The following SPAG1 variants were observed in gnomAD, a reference collection of about 807,000 sequenced individuals.
SPAG1 encodes sperm-associated antigen 1.
A neutral mutation model predicts 100.5 loss-of-function variants in SPAG1; 69 were observed. That is an observed-to-expected ratio of 0.69 (90% CI 0.57 to 0.84). The LOEUF is 0.84. Ranked by LOEUF, SPAG1 falls within the 40% of genes least tolerant of loss-of-function variation. The pLI, the probability that SPAG1 is intolerant of heterozygous loss-of-function variation, is 0.00. For synonymous variants in SPAG1, 336 were observed against 411.6 expected (o/e 0.82, Z 2.22); for missense variants, 955 against 1,133.1 (o/e 0.84, Z 2.26).
chr8:100,166,228 A>C (rs1815548221), intron 3 of SPAG1, among the ~76,000 whole-genome samples: 1 of 152,278 alleles, frequency 6.6e-6, no homozygotes, highest in East Asian at 1.9e-4. Context: ...TCTTCAATAA[A>C]TAGTGCTGTA....
intron 10 of SPAG1, among the ~76,000 whole-genome samples, chr8:100,202,342 T>TA (rs113103783): frequency 0.23 from 33,326 of 145,656 alleles, 3,759 homozygotes; most frequent in African/African-American, 0.27. Context: ...ACCATTTGTT[T>TA]AAAAAAAAAA....
chr8:100,172,634 A>ATATGTG (rs371641955), intron 3 of SPAG1, among the ~76,000 whole-genome samples: 4 of 145,462 alleles, frequency 2.7e-5, no homozygotes, highest in African/African-American at 1.0e-4. Flanking sequence ...AAAGAAATAT[A>ATATGTG]TGTGTGTGTG....
At chr8:100,197,968 G>A (rs937774275) in intron 10 of SPAG1, among the ~76,000 whole-genome samples, 25 of 152,068 alleles carry the variant, frequency 1.6e-4, no homozygotes, top group African/African-American at 6.0e-4. Flanking sequence ...GCTTTTTCCT[G>A]GAAGCTCCCT....
Position 100,184,033 on chromosome 8 carries a change from C to T in SPAG1, c.566C>T (p.Ser189Phe), listed in dbSNP as rs757629061. ...ACGGTAATAGACAAGTCACACTTGT[C>T]TAAAATTGAGACAAGAATAGATACA... ...EKTVIDKSHL[S>F]KIETRIDTAG... The change falls in exon 6 of 19, where the codon TCT (serine) becomes TTT (phenylalanine). Residue 189 changes from serine (S) to phenylalanine (F), a missense_variant. Coordinates refer to ENST00000388798, the MANE Select transcript of SPAG1 (RefSeq NM_003114.5). The T allele has an allele frequency of 1.3e-6, 2 of 1,516,022 alleles. No individual in the cohort carries two copies. 93.9% of individuals were successfully genotyped at this position (1,516,022 alleles called of 1,614,324 possible). A position where few individuals can be genotyped will look rare whatever the true frequency, so the allele number is the denominator to read the frequency against.
chr8:100,194,180 G>C lies in SPAG1; in HGVS notation c.1008G>C (p.Gly336=). 1 of 1,611,146 alleles carries C rather than the reference G, an allele frequency of 6.2e-7. No homozygotes were observed. Among genetic ancestry groups the C allele is most frequent in the Non-Finnish European group, 8.5e-7 (1 of 1,178,954 alleles). Residue 336 remains glycine (G), a synonymous_variant, in exon 10 of 19, where the codon GGG becomes GGC. Coordinates refer to ENST00000388798, the MANE Select transcript of SPAG1 (RefSeq NM_003114.5). ...SEAASETQTK[G]KRMVIQEIEN... is the part of the protein sequence containing the mutation. ...CTGCATCTGAGACTCAAACCAAAGG[G>C]AAAAGGATGGTTATTCAGGAAATAG...
intron 8 of SPAG1, among the ~76,000 whole-genome samples, chr8:100,188,362 C>T (rs1816675113): frequency 6.6e-6 from 1 of 151,990 alleles, no homozygotes. Context: ...ACTGTGTCGC[C>T]CAGGCTGGTC....
At chr8:100,230,077 A>G (rs915770956) in intron 14 of SPAG1, among the ~76,000 whole-genome samples, 1 of 152,234 alleles carries the variant, frequency 6.6e-6, no homozygotes, top group Non-Finnish European at 1.5e-5. Context: ...TCATCCCTGA[A>G]CAATTGGATT....
At chr8:100,227,153 T>G (rs1353115552) in intron 14 of SPAG1, among the ~76,000 whole-genome samples, 1 of 152,262 alleles carries the variant, frequency 6.6e-6, no homozygotes, top group Non-Finnish European at 1.5e-5. Flanking sequence ...TTTCGCAGAA[T>G]GTATCCATTG....
chr8:100,235,763 G>A (rs377295795), intron 16 of SPAG1, among the ~76,000 whole-genome samples: 54 of 152,110 alleles, frequency 3.6e-4, no homozygotes, highest in Middle Eastern at 3.4e-3. Flanking sequence ...CAGGACCCCC[G>A]TGCTGCCCTG....
At chr8:100,172,541 AC>A (rs2132223211) in intron 3 of SPAG1, among the ~76,000 whole-genome samples, 1 of 152,046 alleles carries the variant, frequency 6.6e-6, no homozygotes, top group Admixed American at 6.6e-5. Context: ...AATCACTTGA[AC>A]CCAGGAGGTG....
chr8:100,225,741 C>T (rs1818480859), intron 14 of SPAG1, among the ~76,000 whole-genome samples: 1 of 152,142 alleles, frequency 6.6e-6, no homozygotes, highest in Non-Finnish European at 1.5e-5. Flanking sequence ...TCCCAAAGTG[C>T]TGGAATTATG....
intron 15 of SPAG1, among the ~76,000 whole-genome samples, chr8:100,231,735 G>A (rs1320280803): frequency 2.6e-5 from 4 of 152,174 alleles, no homozygotes; most frequent in Non-Finnish European, 5.9e-5. Flanking sequence ...CGAGGCGGGT[G>A]GATCACGAGG....
chr8:100,169,447 A>G (rs751619545), intron 3 of SPAG1, among the ~76,000 whole-genome samples: 4 of 152,216 alleles, frequency 2.6e-5, no homozygotes, highest in Admixed American at 1.3e-4. Flanking sequence ...TCTTTTTTAA[A>G]AAATCAACTG....
intron 10 of SPAG1, among the ~76,000 whole-genome samples, chr8:100,201,010 T>G (rs1298357353): frequency 6.6e-6 from 1 of 152,194 alleles, no homozygotes; most frequent in Non-Finnish European, 1.5e-5. Flanking sequence ...TTTTCAGATT[T>G]TTTTTCTTTT....
intron 2 of SPAG1, chr8:100,165,569 C>T: frequency 2.3e-6 from 1 of 426,274 alleles, no homozygotes; most frequent in South Asian, 2.8e-5. Flanking sequence ...CCCACTCACC[C>T]TTATCCAGTT....
At chr8:100,221,848 C>A (rs893650498) in intron 13 of SPAG1, among the ~76,000 whole-genome samples, 31 of 152,208 alleles carry the variant, frequency 2.0e-4, no homozygotes, top group African/African-American at 7.0e-4. Flanking sequence ...TAAAATCAGA[C>A]CTTACCTTCC....
chr8:100,209,591 T>G lies in SPAG1; in HGVS notation c.1097-3499T>G, dbSNP rs574301876. Among the ~76,000 whole-genome samples the G allele has an allele frequency of 3.3e-5, 5 of 150,260 alleles. No homozygotes were observed. The South Asian group carries it at 1.0e-3, about 31-fold the overall frequency. ...GGATTGTGTTGCATCTGTAGATTGC[T>G]TTGAGTAGTATTAACATTTTAACCT... is the stretch of plus-strand genomic sequence containing the variant. On this transcript the variant is annotated intron_variant, in intron 10 of 18. Coordinates refer to ENST00000388798, the MANE Select transcript of SPAG1 (RefSeq NM_003114.5).
chr8:100,217,720 A>T (rs1300979611), intron 12 of SPAG1, among the ~76,000 whole-genome samples: 1 of 152,190 alleles, frequency 6.6e-6, no homozygotes, highest in African/African-American at 2.4e-5. Flanking sequence ...TCCATTGAGG[A>T]CATTTCAACA....
intron 12 of SPAG1, among the ~76,000 whole-genome samples, chr8:100,217,470 G>A (rs921232342): frequency 1.3e-5 from 2 of 152,034 alleles, no homozygotes; most frequent in African/African-American, 2.4e-5. Flanking sequence ...GGGGTTGGGG[G>A]GGTGTTGAAG....
Sources: gnomAD v4.1 joint callset for allele counts (sites outside exome capture counted in the v4.1 genomes callset) on GRCh38, gnomAD v4.1.1 for gene constraint, MANE v1.5 for transcripts, NCBI Gene and HGNC (gene_info 2026-07-23, HGNC 2026-07-21) for gene names.